TRHDE: variants seen among roughly 807,000 people sequenced by gnomAD.
TRHDE encodes the protein thyrotropin-releasing hormone-degrading ectoenzyme.
Under a neutral mutation model 125.7 loss-of-function variants are expected in TRHDE, and 72 were observed. The ratio of observed to expected loss-of-function variants is 0.57; its 90% CI spans 0.47 to 0.70. The LOEUF is 0.70. Ranked by LOEUF, TRHDE falls within the 30% of genes least tolerant of loss-of-function variation. The probability of loss-of-function intolerance (pLI) is 0.00; values close to 1 mark genes in which losing one functional copy is unlikely to be tolerated. For synonymous variants in TRHDE, 509 were observed against 509.1 expected (o/e 1.00, Z 0.00); for missense variants, 1,110 against 1,327.1 (o/e 0.84, Z 2.54).
At chr12:72,520,288 G>A (rs1393051141) in intron 6 of TRHDE, among the ~76,000 whole-genome samples, 1 of 152,208 alleles carries the variant, frequency 6.6e-6, no homozygotes, top group Non-Finnish European at 1.5e-5. Context: ...CTAGCAATCA[G>A]CGAGACTCCG....
At chr12:72,527,328 C>T (rs1369125083) in intron 6 of TRHDE, among the ~76,000 whole-genome samples, 1 of 151,958 alleles carries the variant, frequency 6.6e-6, no homozygotes. Flanking sequence ...ATTGTGAAAA[C>T]AGTTTTAATT....
chr12:72,282,058 C>G (rs1307608755), intron 1 of TRHDE, among the ~76,000 whole-genome samples: 1 of 152,134 alleles, frequency 6.6e-6, no homozygotes, highest in Non-Finnish European at 1.5e-5. Flanking sequence ...AAATGACATT[C>G]TACGAATCAC....
chr12:72,619,736 C>A (rs1432364698), intron 13 of TRHDE, among the ~76,000 whole-genome samples: 1 of 152,054 alleles, frequency 6.6e-6, no homozygotes, highest in Non-Finnish European at 1.5e-5. Context: ...TATCACTGTG[C>A]CTTCCATGAT....
intron 16 of TRHDE, among the ~76,000 whole-genome samples, 181 bp from the exon 17 acceptor site, chr12:72,652,835 C>G (rs1418301595): frequency 1.3e-5 from 2 of 151,784 alleles, no homozygotes; most frequent in Non-Finnish European, 2.9e-5. Flanking sequence ...AATTAAAATA[C>G]TATGAGTTTG....
chr12:72,185,478 G>A (rs1877187350), intron 2 of TRHDE, among the ~76,000 whole-genome samples: 1 of 152,254 alleles, frequency 6.6e-6, no homozygotes, highest in Non-Finnish European at 1.5e-5. Context: ...GCCCCTGTGC[G>A]GGATCCACTA....
intron 2 of TRHDE, among the ~76,000 whole-genome samples, chr12:72,109,732 G>A (rs540296679): frequency 4.1e-4 from 63 of 152,232 alleles, no homozygotes; most frequent in African/African-American, 1.4e-3. Context: ...CCTTATATTT[G>A]TGGAAACTGC....
At chr12:72,335,682 A>G (rs1162116074) in intron 2 of TRHDE, among the ~76,000 whole-genome samples, 2 of 152,228 alleles carry the variant, frequency 1.3e-5, no homozygotes, top group African/African-American at 2.4e-5. Context: ...TTTAAATAGC[A>G]CTTGAACTGA....
At chr12:72,226,882 A>G (rs1878139107) in intron 2 of TRHDE, among the ~76,000 whole-genome samples, 1 of 152,210 alleles carries the variant, frequency 6.6e-6, no homozygotes, top group Non-Finnish European at 1.5e-5. Context: ...GGTACCTAAG[A>G]TTAATGATAA....
At chr12:72,154,083 T>C (rs927066470) in intron 2 of TRHDE, among the ~76,000 whole-genome samples, 1 of 152,224 alleles carries the variant, frequency 6.6e-6, no homozygotes, top group African/African-American at 2.4e-5. Flanking sequence ...GGTGCTCCTA[T>C]ATTGGATGCA....
intron 3 of TRHDE, among the ~76,000 whole-genome samples, chr12:72,463,044 ACT>A (rs1291785353): frequency 6.6e-6 from 1 of 152,146 alleles, no homozygotes; most frequent in Non-Finnish European, 1.5e-5. Context: ...TGAAACCACA[ACT>A]TCTAATATTA....
chr12:72,471,753 G>A (rs1001712698), intron 4 of TRHDE, among the ~76,000 whole-genome samples: 3 of 152,058 alleles, frequency 2.0e-5, no homozygotes, highest in Admixed American at 6.5e-5. Flanking sequence ...GTTTTTATTT[G>A]TATTTCAATG....
In TRHDE at chr12:72,665,915, A is replaced by G. The variant is rs1875099237; in HGVS notation, c.*2720A>G. ...GAAGTTTCTAAAATACACAATCTCA[A>G]CCTCTAAGACTAACATCTACAATAC... On this transcript the variant is annotated 3_prime_UTR_variant, in exon 19 of 19. Transcript: ENST00000261180. 1 of 152,000 alleles carries G rather than the reference A, an allele frequency of 6.6e-6. No homozygotes were observed. The highest frequency in any genetic ancestry group is 2.4e-5 in the African/African-American group (1 of 41,414). 9.4% of individuals were successfully genotyped at this position (152,000 alleles called of 1,614,324 possible).
chr12:72,612,850 T>C (rs1344446191), intron 12 of TRHDE, among the ~76,000 whole-genome samples: 1 of 152,178 alleles, frequency 6.6e-6, no homozygotes, highest in Admixed American at 6.5e-5. Context: ...GGTCAGACAT[T>C]GACCCTATTT....
At chr12:72,310,852 A>T (rs551441688) in intron 2 of TRHDE, among the ~76,000 whole-genome samples, 2 of 152,228 alleles carry the variant, frequency 1.3e-5, no homozygotes, top group South Asian at 4.1e-4. Context: ...TCAAGAATTT[A>T]TTCATGTATA....
At chr12:72,440,164 T>A (rs1874932626) in intron 3 of TRHDE, among the ~76,000 whole-genome samples, 1 of 152,014 alleles carries the variant, frequency 6.6e-6, no homozygotes, top group African/African-American at 2.4e-5. Flanking sequence ...GATTTGCTAG[T>A]ATTTTGTTGA....
intron 2 of TRHDE, among the ~76,000 whole-genome samples, chr12:72,111,458 A>G (rs1458854677): frequency 1.3e-5 from 2 of 152,316 alleles, no homozygotes; most frequent in South Asian, 4.1e-4. Context: ...AGAAAGTGGA[A>G]TGAAACAGCT....
chr12:72,398,578 T>A (rs1051825161), intron 3 of TRHDE, among the ~76,000 whole-genome samples: 14 of 152,254 alleles, frequency 9.2e-5, no homozygotes, highest in Non-Finnish European at 1.8e-4. Flanking sequence ...TTAACAAATA[T>A]GCATTAGATA....
chr12:72,257,761 G>A lies in TRHDE; in HGVS notation n.280-120234G>A, dbSNP rs148358206. ...TAATAACTTCACACATTCCTGACAAGTGCTGTTTAGAGTGGCAGACTGACT... is the reference window on the plus strand; with the variant it reads ...TAATAACTTCACACATTCCTGACAAATGCTGTTTAGAGTGGCAGACTGACT... On this transcript the variant is annotated intron_variant and non_coding_transcript_variant, in intron 2 of 4. Coordinates refer to the TRHDE transcript ENST00000548156. 44 of 152,228 alleles carry A rather than the reference G, an allele frequency of 2.9e-4. 1 individual carries two copies. The highest frequency in any genetic ancestry group is 9.1e-4 in the African/African-American group (38 of 41,548). 9.4% of individuals were successfully genotyped at this position (152,228 alleles called of 1,614,324 possible).
At chr12:72,118,981 A>T (rs900478241) in intron 2 of TRHDE, among the ~76,000 whole-genome samples, 5 of 151,346 alleles carry the variant, frequency 3.3e-5, no homozygotes, top group African/African-American at 4.9e-5. Context: ...TTTATCTTTT[A>T]AAAAAACCAG....
Sources: gnomAD v4.1 joint callset for allele counts (sites outside exome capture counted in the v4.1 genomes callset) on GRCh38, gnomAD v4.1.1 for gene constraint, MANE v1.5 for transcripts, NCBI Gene and HGNC (gene_info 2026-07-23, HGNC 2026-07-21) for gene names.